The following FN1 variants were observed in gnomAD, a reference collection of about 807,000 sequenced individuals.
The protein encoded by FN1 is fibronectin.
In FN1, 106 loss-of-function variants were observed where a neutral mutation model predicts 297.3. The ratio of observed to expected loss-of-function variants is 0.36; its 90% CI spans 0.30 to 0.42. The LOEUF is 0.42. Ranked by LOEUF, FN1 falls within the 10% of genes least tolerant of loss-of-function variation. FN1 has a pLI of 1.00. For synonymous variants in FN1, 1,149 were observed against 1,152.6 expected (o/e 1.00, Z 0.06); for missense variants, 2,690 against 3,124.9 (o/e 0.86, Z 3.32).
Position 215,365,386 on chromosome 2 carries a change from A to C in FN1, c.7144+119T>G, listed in dbSNP as rs1033822048. 10 of 1,078,188 alleles carry C rather than the reference A, an allele frequency of 9.3e-6. No homozygotes were observed. In the African/African-American group the frequency reaches 1.4e-4, roughly 15 times the overall value. The allele number at this position is 1,078,188 out of a possible 1,614,324, so 66.8% of individuals were successfully genotyped here. A position where few individuals can be genotyped will look rare whatever the true frequency, so the allele number is the denominator to read the frequency against. Reference sequence around the variant, plus strand: ...CCCAAATCAAAAGATTAAGAAACCCACTGTTCACTCCTCAAGGAGACCTAA... The same window carrying C: ...CCCAAATCAAAAGATTAAGAAACCCCCTGTTCACTCCTCAAGGAGACCTAA... On this transcript the variant is annotated intron_variant, in intron 43 of 45. Transcript: ENST00000354785.
At chr2:215,415,057 G>T in intron 12 of FN1, 99 bp from the exon 13 acceptor site, 3 of 868,222 alleles carry the variant, frequency 3.5e-6, no homozygotes, top group Non-Finnish European at 5.7e-6. Context: ...AGCTTTGCTT[G>T]TCGTTAAATG....
chr2:215,436,064 C>T lies in FN1; in HGVS notation c.-262G>A, dbSNP rs765159001. ...CTCCCCCTGTGCAGCACAGCCGGCG[C>T]GGGCGTCCGAGCGCCGGGAGCCGGG... On this transcript the variant is annotated 5_prime_UTR_variant, in exon 1 of 46. Coordinates refer to ENST00000354785, the MANE Select transcript of FN1 (RefSeq NM_212482.4). 8.6e-6 allele frequency: 5 copies of T among 582,368 alleles called. No individual in the cohort carries two copies. The highest frequency in any genetic ancestry group is 2.6e-6 in the Non-Finnish European group (1 of 379,270). The allele number at this position is 582,368 out of a possible 1,614,324, so 36.1% of individuals were successfully genotyped here.
At chr2:215,424,847 T>C (rs1241165416) in intron 7 of FN1, among the ~76,000 whole-genome samples, 1 of 152,342 alleles carries the variant, frequency 6.6e-6, no homozygotes, top group Middle Eastern at 3.4e-3. Flanking sequence ...AGTAGCTCTC[T>C]TGTAACAACA....
rs773419827 is a variant in FN1, at chr2:215,430,739, C to T, written c.661G>A (p.Gly221Arg). ...CTTCTAGAAGTGCAAGTGATGCGTC[C>T]GCTGCCTTCTCCCAGGCAAGTACAA... ...VDCTCLGEGS[G>R]RITCTSRNRC... The change falls in exon 5 of 46, where the codon GGA becomes AGA. Residue 221 changes from glycine to arginine, a missense_variant. By Grantham distance (125) the Gly-to-Arg change is moderately radical (BLOSUM62 -2). Around this residue, in one of 3 missense-constraint regions of FN1, gnomAD observed 876 missense variants for 1,058.1 expected, o/e 0.83. Coordinates refer to ENST00000354785, the MANE Select transcript of FN1 (RefSeq NM_212482.4). 3 of 1,613,932 alleles carry T rather than the reference C, an allele frequency of 1.9e-6. No homozygotes were observed. The highest frequency in any genetic ancestry group is 2.5e-6 in the Non-Finnish European group (3 of 1,179,970).
intron 34 of FN1, among the ~76,000 whole-genome samples, chr2:215,378,701 G>T (rs1288784046): frequency 6.6e-6 from 1 of 152,124 alleles, no homozygotes; most frequent in Non-Finnish European, 1.5e-5. Flanking sequence ...TAGGTTCCTA[G>T]CAGTTTTCTG....
chr2:215,370,348 T>G lies in FN1; in HGVS notation c.6799A>C (p.Lys2267Gln). ...CGAACCTTATGCCTCTGCTGGTCTT[T>G]CAGTGCCTCCACTATGACGTTGTAG... ...ATYNVIVEAL[K>Q]DQQRHKVREE... The change falls in exon 41 of 46, where the codon AAA becomes CAA. Residue 2267 changes from lysine (K) to glutamine (Q), a missense_variant. Lys to Gln is a moderately conservative substitution (Grantham distance 53). Coordinates refer to ENST00000354785, the MANE Select transcript of FN1 (RefSeq NM_212482.4). 6.2e-7 allele frequency: 1 copy of G among 1,613,972 alleles called. No individual in the cohort carries two copies. Among genetic ancestry groups the G allele is most frequent in the Non-Finnish European group, 8.5e-7 (1 of 1,179,980 alleles).
At chr2:215,370,554 CAAA>C (rs768951130) in intron 40 of FN1, 122 bp from the exon 41 acceptor site, 191 of 314,554 alleles carry the variant, frequency 6.1e-4, no homozygotes, top group Non-Finnish European at 7.1e-4. Flanking sequence ...AAACAAAAAA[CAAA>C]AAAAAAAAAA....
At chr2:215,388,359 G>T in intron 26 of FN1, 58 bp from the exon 27 acceptor site, 1 of 1,197,636 alleles carries the variant, frequency 8.3e-7, no homozygotes, top group Non-Finnish European at 1.2e-6. Context: ...AGAAACTAAA[G>T]CACGCCCAGG....
intron 38 of FN1, 146 bp downstream of exon 38, chr2:215,375,068 C>T (rs2057020911): frequency 3.6e-6 from 3 of 825,802 alleles, no homozygotes; most frequent in Non-Finnish European, 6.1e-6. Context: ...CTCTACCACT[C>T]CTACACAGAG....
At chr2:215,429,664 G>A (rs2066125331) in intron 5 of FN1, among the ~76,000 whole-genome samples, 1 of 152,102 alleles carries the variant, frequency 6.6e-6, no homozygotes, top group Non-Finnish European at 1.5e-5. Flanking sequence ...CTTTAATACT[G>A]TGTTTTGCAG....
chr2:215,401,181 G>A lies in FN1; in HGVS notation c.3254-1830C>T, dbSNP rs186311838. 2.1e-3 allele frequency among the ~76,000 whole-genome samples: 282 copies of A among 137,516 alleles called. 5 individuals are homozygous for A. The highest frequency in any genetic ancestry group is 1.2e-3 in the Non-Finnish European group (80 of 65,310). The allele number at this position is 137,516 out of a possible 152,430, so 90.2% of individuals were successfully genotyped here. On this transcript the variant is annotated intron_variant, in intron 20 of 45. Transcript: ENST00000354785. ...TAAGAAAGAAAGAAAGAGAGAGAGA[G>A]TGAGAGAGAAAGAAAGAAAAGAAAG...
rs1259580054 is a variant in FN1 at position 215,382,213 on chromosome 2, G to A, written c.5163C>T (p.Thr1721=). The A allele has an allele frequency of 3.1e-6, 5 of 1,604,498 alleles. No individual in the cohort carries two copies. Among genetic ancestry groups the A allele is most frequent in the Non-Finnish European group, 4.3e-6 (5 of 1,171,214 alleles). ...ESQPLVQTAV[T]NIDRPKGLAF... is the part of the protein sequence containing the mutation. ...GGAAACCAAGCAGTGGTTACGTACT[G>A]GTTACTGCAGTCTGAACCAGAGGCT... Residue 1721 remains threonine, a splice_region_variant and synonymous_variant, in exon 32 of 46, where the codon ACC becomes ACT. Transcript: ENST00000354785.
At chr2:215,366,732 T>C (rs1204172017) in intron 42 of FN1, among the ~76,000 whole-genome samples, 1 of 152,232 alleles carries the variant, frequency 6.6e-6, no homozygotes, top group East Asian at 1.9e-4. Context: ...ACAAAGATTA[T>C]GTAAGTTGAG....
intron 40 of FN1, among the ~76,000 whole-genome samples, chr2:215,371,619 A>G (rs1420919902): frequency 6.6e-6 from 1 of 151,940 alleles, no homozygotes; most frequent in East Asian, 1.9e-4. Context: ...TTAAAAAAAA[A>G]AAAAAGCAGG....
At chr2:215,407,956 A>ACACGC in intron 17 of FN1, 152 bp downstream of exon 17, 1 of 33,186 alleles carries the variant, frequency 3.0e-5, no homozygotes. Flanking sequence ...CACCCCCGCC[A>ACACGC]CACACACACA....
chr2:215,408,096 C>G lies in FN1; in HGVS notation c.2518+12G>C, dbSNP rs7570208. On this transcript the variant is annotated intron_variant, in intron 17 of 45. Coordinates refer to ENST00000354785, the MANE Select transcript of FN1 (RefSeq NM_212482.4). ...TTAACATAGCAGCCAAAGAGGGGGA[C>G]GCTTAGCTGACCTGTGATGGGAGCC... The G allele has an allele frequency of 0.59, 942,243 of 1,606,420 alleles. 281,232 individuals are homozygous for G. The highest frequency in any genetic ancestry group is 0.94 in the East Asian group (42,119 of 44,802).
At chr2:215,404,313 GTTTT>G (rs2061496495) in intron 20 of FN1, 72 bp downstream of exon 20, 367 of 1,334,620 alleles carry the variant, frequency 2.7e-4, no homozygotes, top group Admixed American at 7.1e-4. Context: ...TTTTTGTTTT[GTTTT>G]GTTTTGTTTT....
At chr2:215,383,961 T>G (rs575983686) in intron 30 of FN1, 59 bp downstream of exon 30, 1 of 1,574,602 alleles carries the variant, frequency 6.4e-7, no homozygotes, top group East Asian at 2.3e-5. Context: ...TGGGAGAACA[T>G]TGCAAAACAG....
Position 215,435,782 on chromosome 2 carries a change from G to A in FN1, c.21C>T (p.Pro7=), listed in dbSNP as rs557596042. The A allele has an allele frequency of 9.6e-6, 15 of 1,570,650 alleles. No homozygotes were observed. Among genetic ancestry groups the A allele is most frequent in the South Asian group, 6.9e-5 (6 of 86,724 alleles). MLRGPG[P]GLLLLAVQCL... ...ACTGGACGGCCAGCAGCAGCAGCCC[G>A]GGCCCCGGACCCCTAAGCATGTTGA... The change falls in exon 1 of 46, where the codon CCC becomes CCT. Residue 7 remains proline (P), a synonymous_variant. Coordinates refer to ENST00000354785, the MANE Select transcript of FN1 (RefSeq NM_212482.4).
Sources: allele counts gnomAD v4.1 joint callset (sites outside exome capture counted in the v4.1 genomes callset), GRCh38; gene constraint gnomAD v4.1.1; regional missense constraint gnomAD v4.1.1; transcripts MANE v1.5; gene names NCBI Gene and HGNC (gene_info 2026-07-23, HGNC 2026-07-21).